The following DAB1 variants were observed in gnomAD, a reference collection of about 807,000 sequenced individuals.
The protein encoded by DAB1 is disabled homolog 1.
DAB1 carries 15 observed loss-of-function variants against 64.6 expected under a neutral mutation model. The ratio of observed to expected loss-of-function variants is 0.23; its 90% confidence interval spans 0.16 to 0.36. The LOEUF (loss-of-function observed/expected upper bound fraction) is 0.36, where lower values mean the gene tolerates loss of function less well. DAB1 is among the 10% of genes least tolerant of loss of function. DAB1 has a pLI of 1.00. For synonymous variants in DAB1, 235 were observed against 251.9 expected, an observed-to-expected ratio of 0.93 and a Z score of 0.64; for missense variants, 596 against 706.7, an observed-to-expected ratio of 0.84 and a Z score of 1.78.
intron 7 of DAB1, among the ~76,000 whole-genome samples, chr1:57,594,914 A>G (rs1232471019): frequency 1.3e-5 from 2 of 151,860 alleles, no homozygotes; most frequent in African/African-American, 2.4e-5. Context: ...GTTTCACTGT[A>G]TTAGCCAGGA....
downstream of DAB1, among the ~76,000 whole-genome samples, chr1:57,821,544 C>A (rs935631181): frequency 2.6e-5 from 4 of 152,186 alleles, no homozygotes; most frequent in Admixed American, 1.3e-4. Context: ...CATTTGGGAG[C>A]CATAGACAAC....
chr1:57,465,659 T>C (rs555306658), intron 7 of DAB1, among the ~76,000 whole-genome samples: 3 of 152,336 alleles, frequency 2.0e-5, no homozygotes, highest in African/African-American at 7.2e-5. Context: ...CTTAAGAAGA[T>C]GCATTTTGTT....
intron 5 of DAB1, among the ~76,000 whole-genome samples, chr1:57,992,495 A>C (rs1646359506): frequency 6.6e-6 from 1 of 152,168 alleles, no homozygotes; most frequent in African/African-American, 2.4e-5. Context: ...AAGAAAGGGA[A>C]ATTTTGCTCC....
intron 1 of DAB1, among the ~76,000 whole-genome samples, chr1:57,870,693 G>C (rs1299327561): frequency 1.3e-5 from 2 of 152,134 alleles, no homozygotes; most frequent in African/African-American, 4.8e-5. Context: ...TAGGCATACA[G>C]CACATACTCA....
intron 4 of DAB1, among the ~76,000 whole-genome samples, chr1:58,342,543 T>C (rs192583977): frequency 1.1e-3 from 160 of 152,326 alleles, no homozygotes; most frequent in African/African-American, 3.4e-3. Context: ...TCTTCTGAAC[T>C]CCAAGCTCAT....
chr1:57,622,996 A>G (rs908717494), intron 7 of DAB1, among the ~76,000 whole-genome samples: 4 of 152,232 alleles, frequency 2.6e-5, no homozygotes, highest in African/African-American at 7.2e-5. Context: ...GTTTTTCAAT[A>G]ATAAGGCAGG....
intron 1 of DAB1, among the ~76,000 whole-genome samples, chr1:58,546,387 C>T (rs1214752831): frequency 6.6e-6 from 1 of 152,170 alleles, no homozygotes; most frequent in Non-Finnish European, 1.5e-5. Context: ...GCAGGCGGCC[C>T]ACGAAAGTAC....
At chr1:57,046,371 C>T (rs1040224905) in intron 9 of DAB1, among the ~76,000 whole-genome samples, 1 of 152,184 alleles carries the variant, frequency 6.6e-6, no homozygotes, top group African/African-American at 2.4e-5. Flanking sequence ...TGGGTTGTGA[C>T]TGTCACCAAT....
chr1:57,500,484 A>G (rs764347852), intron 7 of DAB1, among the ~76,000 whole-genome samples: 1 of 152,246 alleles, frequency 6.6e-6, no homozygotes, highest in Non-Finnish European at 1.5e-5. Context: ...AATTACAGGA[A>G]AAAGAGGTCT....
chr1:57,843,470 A>C (rs1653143980), intron 1 of DAB1, among the ~76,000 whole-genome samples: 1 of 152,136 alleles, frequency 6.6e-6, no homozygotes, highest in Admixed American at 6.5e-5. Flanking sequence ...TTACCATGAG[A>C]CTTATGGGAA....
At chr1:57,817,435 C>T (rs1212069288) in intron 6 of DAB1, among the ~76,000 whole-genome samples, 1 of 152,198 alleles carries the variant, frequency 6.6e-6, no homozygotes, top group African/African-American at 2.4e-5. Flanking sequence ...TCAGACATCA[C>T]GAGCATCCTC....
intron 4 of DAB1, among the ~76,000 whole-genome samples, chr1:57,097,773 TA>T (rs1303705670): frequency 6.6e-5 from 10 of 151,352 alleles, no homozygotes; most frequent in African/African-American, 2.4e-4. Flanking sequence ...ATTATTTATT[TA>T]TTTATTTATT....
intron 2 of DAB1, among the ~76,000 whole-genome samples, chr1:57,221,612 T>C (rs1666879207): frequency 6.6e-6 from 1 of 152,196 alleles, no homozygotes; most frequent in South Asian, 2.1e-4. Flanking sequence ...AGACCATAAT[T>C]CCTGTGTCCT....
At position 58,078,986 on chromosome 1, in the gene DAB1, G is replaced by A. The variant is rs578237810; in HGVS notation, n.387+71525C>T. 4.6e-5 allele frequency among the ~76,000 whole-genome samples: 7 copies of A among 152,332 alleles called. No homozygotes were observed. The South Asian group carries it at 1.0e-3, about 23-fold the overall frequency. The stretch of plus-strand genomic sequence containing the variant: ...AAGGCCATCTGGAGAGCAGGCTGAT[G>A]AGAATAACTCACAGGATCAAGACGG... On this transcript the variant is annotated intron_variant and non_coding_transcript_variant, in intron 5 of 20. Transcript: ENST00000485760.
At chr1:57,430,190 A>C (rs1478392255) in intron 7 of DAB1, among the ~76,000 whole-genome samples, 2 of 152,214 alleles carry the variant, frequency 1.3e-5, no homozygotes, top group East Asian at 3.9e-4. Context: ...CAACGTGCAG[A>C]TCTTTCACAT....
chr1:57,501,321 C>G (rs1644287074), intron 7 of DAB1, among the ~76,000 whole-genome samples: 2 of 152,212 alleles, frequency 1.3e-5, no homozygotes, highest in African/African-American at 4.8e-5. Context: ...GTAGTCAGCA[C>G]TAATTAGCAG....
intron 2 of DAB1, among the ~76,000 whole-genome samples, chr1:57,180,828 C>G (rs997226547): frequency 3.9e-5 from 6 of 152,212 alleles, no homozygotes; most frequent in African/African-American, 1.4e-4. Context: ...GCCAACTCCT[C>G]TTAACACCTC....
At chr1:58,107,193 G>C (rs1651696678) in intron 5 of DAB1, among the ~76,000 whole-genome samples, 1 of 151,672 alleles carries the variant, frequency 6.6e-6, no homozygotes, top group African/African-American at 2.4e-5. Flanking sequence ...GGGTGCAGTG[G>C]CTCACGTCTG....
intron 3 of DAB1, among the ~76,000 whole-genome samples, chr1:58,344,203 T>G (rs924501839): frequency 6.6e-6 from 1 of 152,168 alleles, no homozygotes; most frequent in African/African-American, 2.4e-5. Context: ...AAGGTTGTTG[T>G]TGAGGATTGC....
Sources: gnomAD v4.1 joint callset for allele counts (sites outside exome capture counted in the v4.1 genomes callset) on GRCh38, gnomAD v4.1.1 for gene constraint, MANE v1.5 for transcripts, NCBI Gene and HGNC (gene_info 2026-07-23, HGNC 2026-07-21) for gene names.